The following SUDS3 variants were observed in gnomAD, a reference collection of about 807,000 sequenced individuals.
SUDS3 encodes the protein SIN3A corepressor complex component SDS3, also known as sin3 histone deacetylase corepressor complex component SDS3.
Under a neutral mutation model 53.5 loss-of-function variants are expected in SUDS3, and 23 were observed. That is an observed-to-expected ratio of 0.43 (90% confidence interval 0.31 to 0.61). SUDS3 has a LOEUF of 0.61. Ranked by LOEUF, SUDS3 falls within the 20% of genes least tolerant of loss-of-function variation. The probability of loss-of-function intolerance (pLI) is 0.10; values close to 1 mark genes in which losing one functional copy is unlikely to be tolerated. For synonymous variants in SUDS3, 150 were observed against 148.5 expected (o/e 1.01, Z -0.08); for missense variants, 291 against 405.9 (o/e 0.72, Z 2.43).
intron 6 of SUDS3, among the ~76,000 whole-genome samples, chr12:118,395,106 G>A (rs867603165): frequency 6.6e-6 from 1 of 152,068 alleles, no homozygotes; most frequent in South Asian, 2.1e-4. Context: ...AGAGGAAGAG[G>A]CCCCACACAA....
At chr12:118,406,166 T>C (rs1196663607) in intron 10 of SUDS3, among the ~76,000 whole-genome samples, 1 of 152,248 alleles carries the variant, frequency 6.6e-6, no homozygotes, top group Non-Finnish European at 1.5e-5. Flanking sequence ...GTAGCTGATA[T>C]TTGAAAATAA....
At chr12:118,402,183 T>G in intron 9 of SUDS3, 179 bp downstream of exon 9, 1 of 615,196 alleles carries the variant, frequency 1.6e-6, no homozygotes, top group Non-Finnish European at 2.8e-6. Context: ...GATTTCTTTT[T>G]TTTTCATAAC....
chr12:118,377,280 T>G (rs183095425), intron 1 of SUDS3, among the ~76,000 whole-genome samples: 1 of 151,594 alleles, frequency 6.6e-6, no homozygotes, highest in Non-Finnish European at 1.5e-5. Flanking sequence ...AGAACTCAGG[T>G]TGGTTAAAGG....
intron 2 of SUDS3, 66 bp from the exon 3 acceptor site, chr12:118,383,946 G>A: frequency 7.0e-7 from 1 of 1,437,348 alleles, no homozygotes; most frequent in South Asian, 1.2e-5. Flanking sequence ...ATTTCTGTGA[G>A]TAGGTTATTT....
At chr12:118,403,592 T>C in intron 10 of SUDS3, 75 bp downstream of exon 10, 2 of 1,196,176 alleles carry the variant, frequency 1.7e-6, no homozygotes, top group Non-Finnish European at 1.2e-6. Context: ...GCTATTGTAG[T>C]TATTTCAGAT....
At chr12:118,403,729 CCCTT>C (rs1309669487) in intron 10 of SUDS3, among the ~76,000 whole-genome samples, 1 of 152,154 alleles carries the variant, frequency 6.6e-6, no homozygotes, top group African/African-American at 2.4e-5. Context: ...TGTTCTGCTC[CCCTT>C]CCTTCTCCAT....
chr12:118,376,571 T>G lies in SUDS3; in HGVS notation c.-121T>G. On this transcript the variant is annotated 5_prime_UTR_variant, in exon 1 of 12. Coordinates refer to ENST00000543473, the MANE Select transcript of SUDS3 (RefSeq NM_022491.3). Reference sequence around the variant, plus strand: ...GAGCTCGGCGGAGACGGGGAAGGGGTCGCCGTGGCTGCCGGTCCTCGAGTT... The same window carrying G: ...GAGCTCGGCGGAGACGGGGAAGGGGGCGCCGTGGCTGCCGGTCCTCGAGTT... 1.7e-6 allele frequency: 2 copies of G among 1,205,668 alleles called. No homozygotes were observed. Among genetic ancestry groups the G allele is most frequent in the Non-Finnish European group, 2.1e-6 (2 of 958,594 alleles). 74.7% of individuals were successfully genotyped at this position (1,205,668 alleles called of 1,614,324 possible).
chr12:118,403,754 CTG>C (rs1374827075), intron 10 of SUDS3, among the ~76,000 whole-genome samples: 1 of 152,186 alleles, frequency 6.6e-6, no homozygotes, highest in East Asian at 1.9e-4. Context: ...TCTGGTGTCT[CTG>C]TACTAGAATT....
At chr12:118,406,731 T>TA (rs1355316658) in intron 10 of SUDS3, among the ~76,000 whole-genome samples, 1 of 151,986 alleles carries the variant, frequency 6.6e-6, no homozygotes, top group Non-Finnish European at 1.5e-5. Flanking sequence ...ACATTTTTAC[T>TA]ACCCTGTTGA....
chr12:118,393,268 T>C (rs139589233), intron 6 of SUDS3, among the ~76,000 whole-genome samples: 1 of 152,214 alleles, frequency 6.6e-6, no homozygotes, highest in Non-Finnish European at 1.5e-5. Context: ...GTTGCCCAGC[T>C]CTGCCCTGAA....
chr12:118,391,556 A>C (rs964850978), intron 6 of SUDS3, among the ~76,000 whole-genome samples: 3 of 152,246 alleles, frequency 2.0e-5, no homozygotes, highest in Non-Finnish European at 4.4e-5. Flanking sequence ...TGTCCTGTGC[A>C]TAACAGATGT....
In SUDS3 at chr12:118,393,691, G is replaced by T. The variant is rs201467522; in HGVS notation, c.517+2409G>T. Among the ~76,000 whole-genome samples, 11 of 148,084 alleles carry T rather than the reference G, an allele frequency of 7.4e-5. No homozygotes were observed. The East Asian group carries it at 1.8e-3, about 24-fold the overall frequency. The stretch of plus-strand genomic sequence containing the variant: ...TTTTTTAAATTTAATTTTTTTTTGA[G>T]ACCAAGTCTTGCTCTGTCGCCCAGG... On this transcript the variant is annotated intron_variant, in intron 6 of 11. Coordinates refer to ENST00000543473, the MANE Select transcript of SUDS3 (RefSeq NM_022491.3).
chr12:118,387,557 C>CT (rs957059278), intron 4 of SUDS3, among the ~76,000 whole-genome samples: 2,466 of 145,364 alleles, frequency 0.017, 21 homozygotes, highest in Non-Finnish European at 0.022. Flanking sequence ...CTCATGTGTT[C>CT]TTTTTTTTTT....
chr12:118,414,207 C>T, intron 11 of SUDS3, 128 bp from the exon 12 acceptor site: 2 of 686,564 alleles, frequency 2.9e-6, no homozygotes, highest in South Asian at 4.0e-5. Flanking sequence ...CAAGTTGAGA[C>T]AGTTTATTCC....
Position 118,392,472 on chromosome 12 carries a change from G to T in SUDS3, c.517+1190G>T, listed in dbSNP as rs970645944. Among the ~76,000 whole-genome samples the T allele has an allele frequency of 2.6e-5, 4 of 152,246 alleles. No individual in the cohort carries two copies. The South Asian group carries it at 8.3e-4, about 31-fold the overall frequency. On this transcript the variant is annotated intron_variant, in intron 6 of 11. Coordinates refer to ENST00000543473, the MANE Select transcript of SUDS3 (RefSeq NM_022491.3). ...TCTTCTGTTAGCTTCCTCATAGAGA[G>T]AGTTGGCAAAAGAAATGAGCTCCTT...
chr12:118,393,375 C>A (rs1453121193), intron 6 of SUDS3, among the ~76,000 whole-genome samples: 1 of 152,128 alleles, frequency 6.6e-6, no homozygotes, highest in African/African-American at 2.4e-5. Context: ...TCTAAATAAC[C>A]CACTGGAAAC....
In SUDS3 at chr12:118,414,341, G is replaced by T. The variant is rs2046382619; in HGVS notation, c.895G>T (p.Val299Leu). ...ISSVGANEIW[V>L]RKTSDSTKMR... ...CCTTTCCTCTCCCCTGCAGATCTGG[G>T]TGAGGAAGACAAGTGACAGCACCAA... The change falls in exon 12 of 12, where the codon GTG becomes TTG. Residue 299 changes from valine (V) to leucine (L), a missense_variant. By Grantham distance (32) the Val-to-Leu change is conservative. Transcript: ENST00000543473. The T allele has an allele frequency of 1.2e-6, 2 of 1,601,972 alleles. No individual in the cohort carries two copies. Among genetic ancestry groups the T allele is most frequent in the Non-Finnish European group, 1.7e-6 (2 of 1,174,312 alleles).
chr12:118,384,918 A>G (rs1695046961), intron 3 of SUDS3, among the ~76,000 whole-genome samples: 1 of 151,992 alleles, frequency 6.6e-6, no homozygotes, highest in South Asian at 2.1e-4. Flanking sequence ...GACCTTGGAC[A>G]TGCCAGTTTC....
chr12:118,392,128 G>A (rs950289), intron 6 of SUDS3, among the ~76,000 whole-genome samples: 3,654 of 152,338 alleles, frequency 0.024, 191 homozygotes, highest in Admixed American at 0.13. Context: ...TGGTGAGTTT[G>A]TCACTTGGAT....
Sources: allele counts gnomAD v4.1 joint callset (sites outside exome capture counted in the v4.1 genomes callset), GRCh38; gene constraint gnomAD v4.1.1; transcripts MANE v1.5; gene names NCBI Gene and HGNC (gene_info 2026-07-23, HGNC 2026-07-21).